HCN1: variants seen among roughly 807,000 people sequenced by gnomAD.
The protein encoded by HCN1 is hyperpolarization activated cyclic nucleotide gated potassium channel 1.
A neutral mutation model predicts 78.9 loss-of-function variants in HCN1; 13 were observed. The ratio of observed to expected loss-of-function variants is 0.16; its 90% CI spans 0.11 to 0.26. The LOEUF is 0.26. HCN1 is among the 10% of genes least tolerant of loss of function. HCN1 has a pLI of 1.00. For missense variants in HCN1, 810 were observed against 1,154.3 expected (o/e 0.70, Z 4.32); for synonymous variants, 552 against 455.5 (o/e 1.21, Z -2.70).
At chr5:45,494,324 T>C (rs1382765769) in intron 2 of HCN1, among the ~76,000 whole-genome samples, 1 of 152,202 alleles carries the variant, frequency 6.6e-6, no homozygotes, top group African/African-American at 2.4e-5. Context: ...CTCACTGTGG[T>C]TTTGATTTGC....
chr5:45,564,516 A>G (rs910692164), intron 2 of HCN1, among the ~76,000 whole-genome samples: 1 of 152,144 alleles, frequency 6.6e-6, no homozygotes, highest in Non-Finnish European at 1.5e-5. Flanking sequence ...GCTTTTACCT[A>G]CAACTCCTAT....
intron 5 of HCN1, among the ~76,000 whole-genome samples, chr5:45,347,561 T>C (rs1746774138): frequency 6.6e-6 from 1 of 152,114 alleles, no homozygotes; most frequent in African/African-American, 2.4e-5. Context: ...ACGATCAAAC[T>C]ACTCCGAGCT....
At chr5:45,525,061 G>T (rs1742705610) in intron 2 of HCN1, among the ~76,000 whole-genome samples, 1 of 152,034 alleles carries the variant, frequency 6.6e-6, no homozygotes, top group African/African-American at 2.4e-5. Context: ...AGAGTTTTTA[G>T]CATGAAGGGC....
rs569685853 is a variant in HCN1, at chr5:45,553,286, G to A, written c.850-91279C>T. On this transcript the variant is annotated intron_variant, in intron 2 of 7. Transcript: ENST00000303230. ...TCATCTTTCTCAAAAATCATTTACC[G>A]TCCCCTAGATTGGCTACATCCTCTC... is the stretch of plus-strand genomic sequence containing the variant. Among the ~76,000 whole-genome samples the A allele has an allele frequency of 7.9e-5, 12 of 151,742 alleles. 1 individual carries two copies. Among genetic ancestry groups the A allele is most frequent in the Middle Eastern group, 6.8e-3 (2 of 294 alleles).
At chr5:45,546,949 C>T (rs1027616382) in intron 2 of HCN1, among the ~76,000 whole-genome samples, 11 of 151,846 alleles carry the variant, frequency 7.2e-5, no homozygotes, top group African/African-American at 2.4e-4. Flanking sequence ...CAGTCCGCAT[C>T]GTCTTAGTTT....
intron 2 of HCN1, among the ~76,000 whole-genome samples, chr5:45,622,538 A>G (rs1029171842): frequency 6.6e-6 from 1 of 152,184 alleles, no homozygotes; most frequent in African/African-American, 2.4e-5. Context: ...AGCTGGAGAG[A>G]GAGAGACAAT....
In HCN1 at chr5:45,511,708, G is replaced by A. The variant is rs13357691; in HGVS notation, c.850-49701C>T. On this transcript the variant is annotated intron_variant, in intron 2 of 7. Coordinates refer to ENST00000303230, the MANE Select transcript of HCN1 (RefSeq NM_021072.4). ...ATGTTAGTTAAAAGGAGCCTAAGGA[G>A]ACATGAGGACTTAATGTAATGTGGT... 5.3e-3 allele frequency among the ~76,000 whole-genome samples: 811 copies of A among 152,104 alleles called. 6 individuals carry two copies. The highest frequency in any genetic ancestry group is 0.018 in the African/African-American group (729 of 41,530).
chr5:45,396,112 C>T (rs1384263940), intron 4 of HCN1, among the ~76,000 whole-genome samples: 2 of 152,100 alleles, frequency 1.3e-5, no homozygotes, highest in African/African-American at 2.4e-5. Context: ...CAATAGCTGC[C>T]TGTCTCCACT....
At chr5:45,316,315 C>T (rs1234256806) in intron 5 of HCN1, among the ~76,000 whole-genome samples, 1 of 152,152 alleles carries the variant, frequency 6.6e-6, no homozygotes, top group Non-Finnish European at 1.5e-5. Flanking sequence ...GCAAAAATCA[C>T]ATGATTATCT....
At chr5:45,415,970 T>C (rs952496928) in intron 3 of HCN1, among the ~76,000 whole-genome samples, 1 of 152,032 alleles carries the variant, frequency 6.6e-6, no homozygotes, top group Non-Finnish European at 1.5e-5. Flanking sequence ...GCCAGATGTC[T>C]TCATCTGAGC....
intron 5 of HCN1, among the ~76,000 whole-genome samples, chr5:45,336,004 C>T (rs538967617): frequency 6.6e-6 from 1 of 152,036 alleles, no homozygotes; most frequent in East Asian, 1.9e-4. Context: ...ATTGCGTATA[C>T]TTATTAATGG....
intron 4 of HCN1, among the ~76,000 whole-genome samples, chr5:45,370,606 T>C (rs1747333352): frequency 6.6e-6 from 1 of 152,032 alleles, no homozygotes; most frequent in African/African-American, 2.4e-5. Flanking sequence ...TGTTCAAAGT[T>C]TTTATATAAT....
chr5:45,450,394 G>C (rs997029982), intron 3 of HCN1, among the ~76,000 whole-genome samples: 1 of 152,194 alleles, frequency 6.6e-6, no homozygotes, highest in African/African-American at 2.4e-5. Context: ...TGTGGTCTTA[G>C]TTCCAGTTCT....
At chr5:45,692,806 C>T (rs1580053433) in intron 1 of HCN1, among the ~76,000 whole-genome samples, 1 of 152,046 alleles carries the variant, frequency 6.6e-6, no homozygotes. Context: ...TAAAAATTAT[C>T]GTGAGCAGGG....
chr5:45,363,142 AT>A (rs1157299981), intron 4 of HCN1, among the ~76,000 whole-genome samples: 2 of 94,890 alleles, frequency 2.1e-5, no homozygotes, highest in East Asian at 5.7e-4. Context: ...TTATATATAT[AT>A]ACATATATAT....
intron 1 of HCN1, among the ~76,000 whole-genome samples, chr5:45,654,068 A>G (rs897286859): frequency 3.3e-5 from 5 of 152,152 alleles, no homozygotes; most frequent in Non-Finnish European, 7.4e-5. Flanking sequence ...TTAGACAACA[A>G]GAACAAAGAT....
chr5:45,455,548 T>C (rs1741012592), intron 3 of HCN1, among the ~76,000 whole-genome samples: 1 of 151,766 alleles, frequency 6.6e-6, no homozygotes, highest in African/African-American at 2.4e-5. Flanking sequence ...AATGAAAAAA[T>C]ACATAATATA....
At chr5:45,645,723 G>C (rs1561230661) in intron 1 of HCN1, 115 bp from the exon 2 acceptor site, 6 of 595,108 alleles carry the variant, frequency 1.0e-5, no homozygotes, top group Admixed American at 3.3e-5. Flanking sequence ...ACAAAGAAAT[G>C]ATTTTATTTT....
At chr5:45,374,178 TTATATATTATATACATTATATACATAACA>T (rs1561130352) in intron 4 of HCN1, among the ~76,000 whole-genome samples, 3 of 110,666 alleles carry the variant, frequency 2.7e-5, no homozygotes, top group East Asian at 2.3e-4. Context: ...ATAATATATA[TTATATATTATATACATTATATACATAACA>T]TATATATTAT....
Sources: gnomAD v4.1 joint callset for allele counts (sites outside exome capture counted in the v4.1 genomes callset) on GRCh38, gnomAD v4.1.1 for gene constraint, MANE v1.5 for transcripts, NCBI Gene and HGNC (gene_info 2026-07-23, HGNC 2026-07-21) for gene names.